The following POLA1 variants were observed in gnomAD, a reference collection of about 807,000 sequenced individuals.
The protein encoded by POLA1 is DNA polymerase alpha catalytic subunit.
In POLA1, 15 loss-of-function variants were observed where a neutral mutation model predicts 124.0. The observed-to-expected ratio is 0.12, with a 90% CI of 0.08 to 0.19. The LOEUF is 0.19. Ranked by LOEUF, POLA1 falls within the 10% of genes least tolerant of loss-of-function variation. POLA1 has a pLI of 1.00. For synonymous variants in POLA1, 408 were observed against 389.4 expected, an observed-to-expected ratio of 1.05 and a Z score of -0.56; for missense variants, 886 against 1,103.4, an observed-to-expected ratio of 0.80 and a Z score of 2.79.
chrX:24,984,948 C>T (rs1227764144), intron 36 of POLA1, among the ~76,000 whole-genome samples: 1 of 111,234 alleles, frequency 9.0e-6, no homozygotes, highest in African/African-American at 3.3e-5. Context: ...GCCTGAGCCA[C>T]CGCACCCGGC....
At chrX:24,727,168 T>C (rs1602288930) in intron 14 of POLA1, 97 bp downstream of exon 14, 2 of 715,137 alleles carry the variant, frequency 2.8e-6, no homozygotes, top group East Asian at 6.8e-5. Context: ...TTTTAATGTG[T>C]CTACTTCCTT....
At chrX:24,839,778 T>C (rs1215842682) in intron 32 of POLA1, among the ~76,000 whole-genome samples, 1 of 112,522 alleles carries the variant, frequency 8.9e-6, no homozygotes, top group Non-Finnish European at 1.9e-5. Flanking sequence ...AATTGATTAA[T>C]AGTCATAGGG....
intron 35 of POLA1, among the ~76,000 whole-genome samples, chrX:24,900,806 C>T (rs747072686): frequency 9.0e-6 from 1 of 111,450 alleles, no homozygotes; most frequent in African/African-American, 3.3e-5. Context: ...TTTCCAAATC[C>T]TCCTAGGTTT....
chrX:24,827,129 C>G (rs1406692044), intron 32 of POLA1, among the ~76,000 whole-genome samples: 1 of 112,128 alleles, frequency 8.9e-6, no homozygotes, highest in African/African-American at 3.2e-5. Context: ...TAGGAATTGG[C>G]TGATTTCTAA....
chrX:24,743,612 C>T (rs1348047453), intron 23 of POLA1, among the ~76,000 whole-genome samples: 1 of 110,959 alleles, frequency 9.0e-6, no homozygotes, highest in African/African-American at 3.3e-5. Flanking sequence ...TGATTTTTTT[C>T]CAGCCATTTA....
intron 36 of POLA1, among the ~76,000 whole-genome samples, chrX:24,983,975 C>T (rs1296145743): frequency 8.9e-6 from 1 of 112,116 alleles, no homozygotes; most frequent in East Asian, 2.8e-4. Flanking sequence ...GACCTAGAGG[C>T]TGCTTAACAA....
At chrX:24,748,224 C>A in intron 24 of POLA1, 87 bp from the exon 25 acceptor site, 1 of 632,548 alleles carries the variant, frequency 1.6e-6, no homozygotes, top group Non-Finnish European at 2.4e-6. Flanking sequence ...AAGATGTGAT[C>A]ATGGGGGAAA....
chrX:24,703,548 A>T (rs1928599971), intron 3 of POLA1, among the ~76,000 whole-genome samples: 1 of 111,891 alleles, frequency 8.9e-6, no homozygotes, highest in Non-Finnish European at 1.9e-5. Flanking sequence ...TTATTTGGGG[A>T]TATTTTGGAG....
At chrX:24,948,201 G>A (rs2047991774) in intron 36 of POLA1, among the ~76,000 whole-genome samples, 2 of 111,774 alleles carry the variant, frequency 1.8e-5, no homozygotes, top group Admixed American at 9.5e-5. Flanking sequence ...TCCGACTGAT[G>A]AATTACAAAA....
At chrX:24,921,046 A>G (rs965137471) in intron 35 of POLA1, among the ~76,000 whole-genome samples, 1 of 111,454 alleles carries the variant, frequency 9.0e-6, no homozygotes, top group Non-Finnish European at 1.9e-5. Flanking sequence ...TAGCTACCCC[A>G]TTTACTGACC....
chrX:24,821,242 G>A (rs2046082796), intron 30 of POLA1, among the ~76,000 whole-genome samples: 1 of 111,901 alleles, frequency 8.9e-6, no homozygotes, highest in Admixed American at 9.5e-5. Flanking sequence ...TGTTGGGGTT[G>A]CATCTGGTTA....
intron 35 of POLA1, among the ~76,000 whole-genome samples, chrX:24,892,419 GT>G (rs1011939858): frequency 2.7e-5 from 3 of 111,172 alleles, no homozygotes; most frequent in African/African-American, 6.5e-5. Flanking sequence ...AAAAGTTGAT[GT>G]TATTTTTAAA....
In POLA1 at chrX:24,716,919, C is replaced by G; in HGVS notation, c.654C>G (p.Ser218=). 1.7e-6 allele frequency: 2 copies of G among 1,201,883 alleles called. No homozygotes were observed. The highest frequency in any genetic ancestry group is 2.3e-6 in the Non-Finnish European group (2 of 888,058). Reference sequence around the variant, plus strand: ...CAGGAAAAATTGCTTCCCCTGTCTCCAGAAAGGAGCCTCCATTAACTCCTG... The same window carrying G: ...CAGGAAAAATTGCTTCCCCTGTCTCGAGAAAGGAGCCTCCATTAACTCCTG... ...VPSGKIASPV[S]RKEPPLTPVP... is the part of the protein sequence containing the mutation. The change falls in exon 8 of 37, where the codon TCC becomes TCG. Residue 218 remains serine, a synonymous_variant. Transcript: ENST00000379068.
intron 1 of POLA1, among the ~76,000 whole-genome samples, chrX:24,696,550 C>T (rs1007654503): frequency 8.9e-6 from 1 of 111,742 alleles, no homozygotes; most frequent in Non-Finnish European, 1.9e-5. Flanking sequence ...TAATCGGTAG[C>T]GCCTATTTTA....
At chrX:24,905,121 A>G (rs1022534619) in intron 35 of POLA1, among the ~76,000 whole-genome samples, 7 of 109,934 alleles carry the variant, frequency 6.4e-5, no homozygotes, top group African/African-American at 2.3e-4. Context: ...GAGAACTGAA[A>G]TAAAAACCAT....
At chrX:24,725,415 CT>C (rs1466539487) in intron 12 of POLA1, among the ~76,000 whole-genome samples, 2 of 110,454 alleles carry the variant, frequency 1.8e-5, no homozygotes, top group Admixed American at 1.9e-4. Flanking sequence ...CCAGGCTGGT[CT>C]TGAACTCCAG....
chrX:24,723,867 T>G (rs771135324), intron 11 of POLA1, among the ~76,000 whole-genome samples: 10 of 111,934 alleles, frequency 8.9e-5, no homozygotes, highest in Non-Finnish European at 1.7e-4. Flanking sequence ...TTTTAGTAGA[T>G]ACAGGGTTTC....
At chrX:24,831,926 T>C (rs1208235598) in intron 32 of POLA1, among the ~76,000 whole-genome samples, 1 of 111,735 alleles carries the variant, frequency 8.9e-6, no homozygotes, top group East Asian at 2.8e-4. Flanking sequence ...AGACCTGCTG[T>C]GCCTAGCACC....
intron 36 of POLA1, among the ~76,000 whole-genome samples, chrX:24,970,513 A>G (rs2048289386): frequency 1.8e-5 from 2 of 111,996 alleles, no homozygotes; most frequent in Non-Finnish European, 3.8e-5. Context: ...ATCAGAGTGA[A>G]CAGACAATCT....
Sources: allele counts gnomAD v4.1 joint callset (sites outside exome capture counted in the v4.1 genomes callset), GRCh38; gene constraint gnomAD v4.1.1; transcripts MANE v1.5; gene names NCBI Gene and HGNC (gene_info 2026-07-23, HGNC 2026-07-21).